Variants in COL28A1 observed in about 807,000 individuals in gnomAD.
The protein encoded by COL28A1 is collagen alpha-1(XXVIII) chain.
A neutral mutation model predicts 150.2 loss-of-function variants in COL28A1; 161 were observed. The observed-to-expected ratio is 1.07, with a 90% CI of 0.94 to 1.22. COL28A1 has a LOEUF of 1.22. Ranked by LOEUF, COL28A1 falls within the 50% of genes most tolerant of loss-of-function variation. COL28A1 has a pLI of 0.00. For missense variants in COL28A1, 1,617 were observed against 1,388.3 expected, an observed-to-expected ratio of 1.16 and a Z score of -2.62; for synonymous variants, 552 against 469.7, an observed-to-expected ratio of 1.18 and a Z score of -2.26.
intron 18 of COL28A1, among the ~76,000 whole-genome samples, chr7:7,449,216 T>C (rs1786495663): frequency 6.6e-6 from 1 of 152,098 alleles, no homozygotes; most frequent in Non-Finnish European, 1.5e-5. Context: ...ACATAATGAA[T>C]TGAGTTTATC....
chr7:7,540,680 T>C (rs1301851437), upstream of COL28A1, among the ~76,000 whole-genome samples: 2 of 152,224 alleles, frequency 1.3e-5, no homozygotes, highest in Non-Finnish European at 2.9e-5. Flanking sequence ...TGGCTAATAA[T>C]TTATATTTAT....
rs151298683 is a variant in COL28A1 at position 7,505,487 on chromosome 7, G to A, written c.1026+527C>T. 5.1e-3 allele frequency among the ~76,000 whole-genome samples: 771 copies of A among 152,170 alleles called. 8 individuals carry two copies. Among genetic ancestry groups the A allele is most frequent in the African/African-American group, 0.018 (743 of 41,512 alleles). On this transcript the variant is annotated intron_variant, in intron 11 of 34. Transcript: ENST00000399429. The stretch of plus-strand genomic sequence containing the variant: ...TCCCATCTGCATCTTTTTGTTCTGC[G>A]TGGCTTGTATTCAACCCCTCCCTAT...
the COL28A1 span, among the ~76,000 whole-genome samples, chr7:7,349,921 A>C: frequency 9.3e-4 from 142 of 152,212 alleles, no homozygotes; most frequent in African/African-American, 3.4e-3. Context: ...TCTCAAAAAG[A>C]AGCAAATAGT....
intron 33 of COL28A1, among the ~76,000 whole-genome samples, chr7:7,363,818 CAG>C: frequency 6.6e-6 from 1 of 152,148 alleles, no homozygotes; most frequent in Non-Finnish European, 1.5e-5. Context: ...ATTTTGAAGA[CAG>C]AGTCTCGCTC....
chr7:7,474,070 AAT>A (rs58897994), intron 15 of COL28A1, among the ~76,000 whole-genome samples: 135 of 142,952 alleles, frequency 9.4e-4, no homozygotes, highest in African/African-American at 1.8e-3. Flanking sequence ...ATATATATGG[AAT>A]ATATATATAT....
At chr7:7,473,810 G>T (rs1473631529) in intron 15 of COL28A1, among the ~76,000 whole-genome samples, 1 of 151,758 alleles carries the variant, frequency 6.6e-6, no homozygotes, top group Non-Finnish European at 1.5e-5. Flanking sequence ...TCAATGAGTG[G>T]ATAAAGAAAC....
intron 15 of COL28A1, among the ~76,000 whole-genome samples, chr7:7,460,745 T>C (rs1351193722): frequency 2.0e-5 from 3 of 152,242 alleles, no homozygotes; most frequent in African/African-American, 7.2e-5. Flanking sequence ...AATGTCTGGA[T>C]TCAAAGCTGC....
Position 7,533,536 on chromosome 7 carries a change from T to A in COL28A1, c.-37-624A>T, listed in dbSNP as rs140936591. ...GGTTCAAAGCTGCATATGCAATGAA[T>A]CAAAAGAGTATGAGAGCAAAAATAA... On this transcript the variant is annotated intron_variant, in intron 1 of 34. Coordinates refer to ENST00000399429, the MANE Select transcript of COL28A1 (RefSeq NM_001037763.3). Among the ~76,000 whole-genome samples the A allele has an allele frequency of 2.2e-4, 34 of 152,220 alleles. No individual in the cohort carries two copies. The East Asian group carries it at 6.0e-3, about 27-fold the overall frequency.
At chr7:7,436,590 T>C in intron 22 of COL28A1, 127 bp from the exon 23 acceptor site, 1 of 673,732 alleles carries the variant, frequency 1.5e-6, no homozygotes. Context: ...TGAGATAGTA[T>C]ATTCTTCAAA....
At chr7:7,443,888 C>G (rs1786011471) in intron 19 of COL28A1, among the ~76,000 whole-genome samples, 2 of 151,764 alleles carry the variant, frequency 1.3e-5, no homozygotes, top group African/African-American at 4.8e-5. Context: ...ATTTATCAGC[C>G]AATTTCCAAA....
intron 27 of COL28A1, among the ~76,000 whole-genome samples, chr7:7,384,566 C>T (rs1449083237): frequency 2.6e-5 from 4 of 152,084 alleles, no homozygotes; most frequent in South Asian, 4.1e-4. Context: ...TGTTAATCTC[C>T]TACTGTGCCT....
chr7:7,391,616 C>A (rs1004711203), intron 27 of COL28A1, among the ~76,000 whole-genome samples: 2 of 152,080 alleles, frequency 1.3e-5, no homozygotes, highest in Non-Finnish European at 2.9e-5. Flanking sequence ...GAATCTAAGT[C>A]TCTTTGTAGG....
At position 7,373,089 on chromosome 7, in the gene COL28A1, A is replaced by G. The variant is rs775786820; in HGVS notation, c.2817T>C (p.Asp939=). 1 of 1,614,148 alleles carries G rather than the reference A, an allele frequency of 6.2e-7. No homozygotes were observed. Among genetic ancestry groups the G allele is most frequent in the Admixed American group, 1.7e-5 (1 of 60,026 alleles). The change falls in exon 32 of 35, where the codon GAT becomes GAC. Residue 939 remains aspartate, a synonymous_variant. Coordinates refer to ENST00000399429, the MANE Select transcript of COL28A1 (RefSeq NM_001037763.3). This position sits in a 1 kb window ranked among gnomAD's most constrained non-coding sequence, Gnocchi z 4.1. ...CTTTGTGGAATATTTCAAAGTTGGG[A>G]TCATTTTTCTTCACCACCCCTATCA... The part of the protein sequence containing the change: ...IFVIGVVKKN[D]PNFEIFHKEM...
At chr7:7,505,989 G>A (rs1443162853) in intron 11 of COL28A1, 25 bp downstream of exon 11, 1 of 1,110,388 alleles carries the variant, frequency 9.0e-7, no homozygotes, top group Non-Finnish European at 1.4e-6. Context: ...CACTCTGCCT[G>A]TCTTTAATCA....
chr7:7,522,554 G>A (rs1456772527), intron 4 of COL28A1, among the ~76,000 whole-genome samples: 1 of 152,044 alleles, frequency 6.6e-6, no homozygotes, highest in African/African-American at 2.4e-5. Flanking sequence ...TTTTGCACAT[G>A]CACTTCAAAA....
chr7:7,452,271 TAA>T, intron 18 of COL28A1, 46 bp downstream of exon 18: 1 of 1,583,258 alleles, frequency 6.3e-7, no homozygotes. Flanking sequence ...AAACCTTATA[TAA>T]TGTTACATAA....
intron 27 of COL28A1, among the ~76,000 whole-genome samples, chr7:7,405,849 T>G (rs933199569): frequency 2.0e-5 from 3 of 152,144 alleles, no homozygotes; most frequent in Non-Finnish European, 4.4e-5. Flanking sequence ...CTCCTCCACC[T>G]TAGCTCTTTA....
intron 25 of COL28A1, among the ~76,000 whole-genome samples, chr7:7,427,764 T>C (rs1341000111): frequency 6.6e-6 from 1 of 152,240 alleles, no homozygotes; most frequent in Admixed American, 6.5e-5. Flanking sequence ...TTGGGGTTTA[T>C]GCTTCTCTTT....
Position 7,520,129 on chromosome 7 carries a change from G to GA in COL28A1, c.760-15dup. ...TCCATGTGTACCCTGAAGGCAAAGG[G>GA]AAAAAATATTATTTTAAGTAGGAAT... is the stretch of plus-strand genomic sequence containing the variant. On this transcript the variant is annotated splice_polypyrimidine_tract_variant and intron_variant, in intron 5 of 34. Coordinates refer to ENST00000399429, the MANE Select transcript of COL28A1 (RefSeq NM_001037763.3). 1.0e-5 allele frequency: 12 copies of GA among 1,169,668 alleles called. No homozygotes were observed. The highest frequency in any genetic ancestry group is 1.5e-5 in the African/African-American group (1 of 66,452). The allele number at this position is 1,169,668 out of a possible 1,614,324, so 72.5% of individuals were successfully genotyped here.
Sources: allele counts gnomAD v4.1 joint callset (sites outside exome capture counted in the v4.1 genomes callset), GRCh38; gene constraint gnomAD v4.1.1; non-coding constraint Gnocchi (gnomAD v3.1); transcripts MANE v1.5; gene names NCBI Gene and HGNC (gene_info 2026-07-23, HGNC 2026-07-21).